Variants in CCAR1 observed in about 807,000 individuals in gnomAD.
CCAR1 encodes cell division cycle and apoptosis regulator protein 1.
CCAR1 carries 78 observed loss-of-function variants against 163.8 expected under a neutral mutation model. The ratio of observed to expected loss-of-function variants is 0.48; its 90% CI spans 0.40 to 0.57. The LOEUF (loss-of-function observed/expected upper bound fraction) is 0.57, where lower values mean the gene tolerates loss of function less well. CCAR1 is among the 20% of genes least tolerant of loss of function. The probability of loss-of-function intolerance (pLI) is 0.00; values close to 1 mark genes in which losing one functional copy is unlikely to be tolerated. For missense variants in CCAR1, 1,019 were observed against 1,365.2 expected, an observed-to-expected ratio of 0.75 and a Z score of 4.00; for synonymous variants, 443 against 460.7, an observed-to-expected ratio of 0.96 and a Z score of 0.49.
Position 68,788,299 on chromosome 10 carries a change from A to G in CCAR1, c.3158A>G (p.Gln1053Arg). The G allele has an allele frequency of 6.4e-7, 1 of 1,573,108 alleles. No individual in the cohort carries two copies. Among genetic ancestry groups the G allele is most frequent in the Admixed American group, 2.1e-5 (1 of 47,184 alleles). Residue 1053 changes from glutamine to arginine, a missense_variant, in exon 23 of 25, where the codon CAG becomes CGG. Gln to Arg is a conservative substitution (Grantham distance 43, BLOSUM62 1). Transcript: ENST00000265872. ...GAAAAAGTAAGAGCTGAGGTAGAAC[A>G]GAAGCTGCAGTTACTAGAAGAAAAA... is the stretch of plus-strand genomic sequence containing the variant. ...KSEKVRAEVE[Q>R]KLQLLEEKTD... is the part of the protein sequence containing the mutation.
In CCAR1 at chr10:68,765,966, A is replaced by G. The variant is rs760954959; in HGVS notation, c.2185A>G (p.Ile729Val). Reference sequence around the variant, plus strand: ...ATATATTTTGCCTGATGAACCGGCCATCATTGTACATCCAAATTGGGCTGC... The same window carrying G: ...ATATATTTTGCCTGATGAACCGGCCGTCATTGTACATCCAAATTGGGCTGC... ...RRYILPDEPA[I>V]IVHPNWAAKS... Residue 729 changes from isoleucine to valine, a missense_variant, in exon 17 of 25, where the codon ATC (isoleucine) becomes GTC (valine). By Grantham distance (29) the Ile-to-Val change is conservative. Coordinates refer to ENST00000265872, the MANE Select transcript of CCAR1 (RefSeq NM_018237.4). 5.0e-6 allele frequency: 8 copies of G among 1,614,092 alleles called. No homozygotes were observed. Among genetic ancestry groups the G allele is most frequent in the Non-Finnish European group, 6.8e-6 (8 of 1,179,934 alleles).
chr10:68,724,140 A>C (rs2055905072), intron 2 of CCAR1, among the ~76,000 whole-genome samples: 1 of 139,728 alleles, frequency 7.2e-6, no homozygotes, highest in Non-Finnish European at 1.5e-5. Context: ...CCTGGGCAAC[A>C]AGAGCAAAAC....
Position 68,747,911 on chromosome 10 carries a change from TG to T in CCAR1, c.826+347del, listed in dbSNP as rs549470109. 3.4e-4 allele frequency among the ~76,000 whole-genome samples: 52 copies of T among 152,234 alleles called. 1 individual carries two copies. In the South Asian group the frequency reaches 8.9e-3, roughly 26 times the overall value. On this transcript the variant is annotated intron_variant, in intron 8 of 24. Transcript: ENST00000265872. ...CTCTGTCGCCCAGGCTGGAGTGCAGTGGTGCAATCTGGGCTCACTGCAACCT... is the reference window on the plus strand; with the variant it reads ...CTCTGTCGCCCAGGCTGGAGTGCAGTGTGCAATCTGGGCTCACTGCAACCT...
intron 17 of CCAR1, among the ~76,000 whole-genome samples, chr10:68,766,806 T>C (rs755722112): frequency 7.9e-5 from 12 of 152,236 alleles, no homozygotes; most frequent in Non-Finnish European, 1.6e-4. Context: ...ATTACAGGCC[T>C]GAGCCACCGT....
At chr10:68,775,023 A>G (rs1324949410) in intron 19 of CCAR1, 1 of 350,764 alleles carries the variant, frequency 2.9e-6, no homozygotes, top group East Asian at 1.0e-4. Flanking sequence ...TCTCTACCAT[A>G]TCAGTTTTTA....
chr10:68,749,988 A>G (rs189586309), intron 10 of CCAR1, among the ~76,000 whole-genome samples: 17 of 152,282 alleles, frequency 1.1e-4, no homozygotes, highest in Admixed American at 2.0e-4. Flanking sequence ...CTTGAAGATC[A>G]TGTATAGTCC....
intron 2 of CCAR1, among the ~76,000 whole-genome samples, chr10:68,733,989 AT>A (rs1379353444): frequency 6.6e-6 from 1 of 152,128 alleles, no homozygotes; most frequent in African/African-American, 2.4e-5. Flanking sequence ...TTTTAAAATT[AT>A]TGTTTTTGCA....
intron 16 of CCAR1, among the ~76,000 whole-genome samples, chr10:68,762,254 G>A (rs1188802599): frequency 7.2e-5 from 11 of 151,944 alleles, no homozygotes; most frequent in Non-Finnish European, 1.3e-4. Context: ...GCCTGAACCC[G>A]GGAGGCGGAG....
At position 68,756,513 on chromosome 10, in the gene CCAR1, C is replaced by A; in HGVS notation, c.1836+30C>A. ...TGAACGCTAATCCCTTTTTCTATTT[C>A]CGCTTCTCACAGGCACAGGAACACA... On this transcript the variant is annotated intron_variant, in intron 14 of 24. Transcript: ENST00000265872. This position sits in a 1 kb window ranked among gnomAD's most constrained non-coding sequence, Gnocchi z 5.1. 2 of 1,534,866 alleles carry A rather than the reference C, an allele frequency of 1.3e-6. No homozygotes were observed. Among genetic ancestry groups the A allele is most frequent in the East Asian group, 2.4e-5 (1 of 41,780 alleles).
In CCAR1 at chr10:68,781,267, G is replaced by A. The variant is rs1042537294; in HGVS notation, c.2651-4869G>A. On this transcript the variant is annotated intron_variant, in intron 19 of 24. Coordinates refer to ENST00000265872, the MANE Select transcript of CCAR1 (RefSeq NM_018237.4). Reference sequence around the variant, plus strand: ...AGAAAAGAAATTAGACCAATTACAGGTGCGGTGGCTCATACCTGTAATCCC... The same window carrying A: ...AGAAAAGAAATTAGACCAATTACAGATGCGGTGGCTCATACCTGTAATCCC... 1.3e-5 allele frequency among the ~76,000 whole-genome samples: 2 copies of A among 151,864 alleles called. 1 individual carries two copies. The highest frequency in any genetic ancestry group is 1.3e-4 in the Admixed American group (2 of 15,204).
chr10:68,788,248 G>C lies in CCAR1; in HGVS notation c.3107G>C (p.Ser1036Thr). 1 of 1,600,988 alleles carries C rather than the reference G, an allele frequency of 6.2e-7. No homozygotes were observed. Among genetic ancestry groups the C allele is most frequent in the Non-Finnish European group, 8.5e-7 (1 of 1,175,970 alleles). ...AATGGTGCAATGGTAGATGTAGGAA[G>C]CCTCTTGCAAAAATTGGAAAAGAGC... is the stretch of plus-strand genomic sequence containing the variant. The part of the protein sequence containing the change: ...VYNGAMVDVG[S>T]LLQKLEKSEK... The change falls in exon 23 of 25, where the codon AGC (serine) becomes ACC (threonine). Residue 1036 changes from serine (S) to threonine (T), a missense_variant. By Grantham distance (58) the Ser-to-Thr change is moderately conservative (BLOSUM62 1). Coordinates refer to ENST00000265872, the MANE Select transcript of CCAR1 (RefSeq NM_018237.4).
intron 10 of CCAR1, among the ~76,000 whole-genome samples, chr10:68,750,662 G>T (rs1314860133): frequency 2.0e-5 from 3 of 152,118 alleles, no homozygotes; most frequent in Non-Finnish European, 4.4e-5. Context: ...AATTAATGGT[G>T]GGTTATGGTC....
intron 3 of CCAR1, 63 bp downstream of exon 3, chr10:68,737,111 A>T (rs1010935875): frequency 9.1e-7 from 1 of 1,093,168 alleles, no homozygotes; most frequent in East Asian, 2.5e-5. Context: ...AGTAGCTAGC[A>T]TTGCTACCTT....
chr10:68,775,497 CTT>C lies in CCAR1; in HGVS notation c.2650+2414_2650+2415del, dbSNP rs58856212. On this transcript the variant is annotated intron_variant, in intron 19 of 24. Coordinates refer to ENST00000265872, the MANE Select transcript of CCAR1 (RefSeq NM_018237.4). Reference sequence around the variant, plus strand: ...GTGTTCCAGCTGTCAGCCTCATTTTCTTTTTTTTTTTTTTTTTGTTTTTTGTT... The same window carrying C: ...GTGTTCCAGCTGTCAGCCTCATTTTCTTTTTTTTTTTTTTTGTTTTTTGTT... 2.5e-3 allele frequency among the ~76,000 whole-genome samples: 292 copies of C among 117,946 alleles called. 3 individuals are homozygous for C. Among genetic ancestry groups the C allele is most frequent in the African/African-American group, 5.9e-3 (195 of 32,892 alleles). 77.4% of individuals were successfully genotyped at this position (117,946 alleles called of 152,430 possible). A position where few individuals can be genotyped will look rare whatever the true frequency, so the allele number is the denominator to read the frequency against.
intron 17 of CCAR1, among the ~76,000 whole-genome samples, chr10:68,766,965 T>G (rs1479422631): frequency 6.6e-6 from 1 of 152,212 alleles, no homozygotes; most frequent in African/African-American, 2.4e-5. Flanking sequence ...GTGGTATGGT[T>G]TATGTGTTCC....
chr10:68,752,570 C>T (rs1244184442), intron 10 of CCAR1, among the ~76,000 whole-genome samples: 2 of 152,018 alleles, frequency 1.3e-5, no homozygotes, highest in African/African-American at 2.4e-5. Context: ...GAATCATATC[C>T]AAATAAAGTA....
chr10:68,769,940 CAAA>C (rs10527624), intron 17 of CCAR1, among the ~76,000 whole-genome samples: 31 of 69,974 alleles, frequency 4.4e-4, no homozygotes, highest in African/African-American at 1.2e-3. Flanking sequence ...GACTCTGTCT[CAAA>C]AAAAAAAAAA....
chr10:68,765,327 G>A (rs1249388687), intron 16 of CCAR1, among the ~76,000 whole-genome samples: 2 of 152,274 alleles, frequency 1.3e-5, no homozygotes, highest in South Asian at 2.1e-4. Flanking sequence ...TTCAGCTGCT[G>A]CACTTTCCAG....
chr10:68,781,976 T>G (rs1307271377), intron 19 of CCAR1, among the ~76,000 whole-genome samples: 1 of 152,178 alleles, frequency 6.6e-6, no homozygotes, highest in Non-Finnish European at 1.5e-5. Flanking sequence ...AAAAGCTAGT[T>G]TTTTTGGCGT....
Sources: allele counts gnomAD v4.1 joint callset (sites outside exome capture counted in the v4.1 genomes callset), GRCh38; gene constraint gnomAD v4.1.1; non-coding constraint Gnocchi (gnomAD v3.1); transcripts MANE v1.5; gene names NCBI Gene and HGNC (gene_info 2026-07-23, HGNC 2026-07-21).